ANKRD42: variants seen among roughly 807,000 people sequenced by gnomAD.
ANKRD42 encodes ankyrin repeat domain-containing protein 42.
ANKRD42 carries 43 observed loss-of-function variants against 51.5 expected under a neutral mutation model. The ratio of observed to expected loss-of-function variants is 0.83; its 90% CI spans 0.65 to 1.08. ANKRD42 has a LOEUF of 1.08. Ranked by LOEUF, ANKRD42 falls within the 50% of genes least tolerant of loss-of-function variation. ANKRD42 has a pLI of 0.00. For synonymous variants in ANKRD42, 203 were observed against 213.0 expected (o/e 0.95, Z 0.41); for missense variants, 608 against 629.3 (o/e 0.97, Z 0.36).
intron 2 of ANKRD42, among the ~76,000 whole-genome samples, chr11:83,204,834 A>G (rs1862008874): frequency 6.6e-6 from 1 of 152,208 alleles, no homozygotes. Context: ...AAGAAAAAAA[A>G]TTTTAATGGG....
chr11:83,221,942 C>G (rs968153253), intron 5 of ANKRD42, among the ~76,000 whole-genome samples: 1 of 152,184 alleles, frequency 6.6e-6, no homozygotes, highest in East Asian at 1.9e-4. Flanking sequence ...AGGGACAGGT[C>G]TTCTGCCAGG....
At chr11:83,236,184 T>C (rs1328836764) in intron 7 of ANKRD42, among the ~76,000 whole-genome samples, 2 of 152,236 alleles carry the variant, frequency 1.3e-5, no homozygotes, top group African/African-American at 2.4e-5. Flanking sequence ...TGTAAAATTA[T>C]CTGTGTGGGG....
At chr11:83,223,789 C>A (rs1438246150) in intron 5 of ANKRD42, among the ~76,000 whole-genome samples, 1 of 152,132 alleles carries the variant, frequency 6.6e-6, no homozygotes, top group Non-Finnish European at 1.5e-5. Flanking sequence ...TCTTGTTTCA[C>A]CTGAATTATA....
chr11:83,201,192 C>T (rs1590961392), intron 2 of ANKRD42, among the ~76,000 whole-genome samples: 3 of 152,042 alleles, frequency 2.0e-5, no homozygotes, highest in Non-Finnish European at 2.9e-5. Flanking sequence ...ATGTTCCCCT[C>T]GCTGTGTCCA....
At chr11:83,213,281 A>G in intron 5 of ANKRD42, 3 of 1,595,040 alleles carry the variant, frequency 1.9e-6, no homozygotes, top group Non-Finnish European at 2.6e-6. Context: ...GATGTGCAAC[A>G]GATCTTACTG....
intron 4 of ANKRD42, 26 bp from the exon 5 acceptor site, chr11:83,211,269 T>A: frequency 6.2e-7 from 1 of 1,613,712 alleles, no homozygotes; most frequent in Non-Finnish European, 8.5e-7. Context: ...GGGGAGAAAC[T>A]AAGTCCTTGT....
chr11:83,261,904 A>G (rs766080249), downstream of ANKRD42: 1 of 1,599,424 alleles, frequency 6.3e-7, no homozygotes. Flanking sequence ...CAGGATGAGC[A>G]TTAATACTAC....
chr11:83,227,477 GTGATA>G (rs201338672), intron 6 of ANKRD42, among the ~76,000 whole-genome samples: 1 of 118,912 alleles, frequency 8.4e-6, no homozygotes, highest in East Asian at 2.2e-4. Flanking sequence ...GTGTTTTGTG[GTGATA>G]TGAGAGAGAA....
downstream of ANKRD42, among the ~76,000 whole-genome samples, chr11:83,263,285 C>T (rs1032219519): frequency 2.0e-5 from 3 of 152,158 alleles, no homozygotes; most frequent in Admixed American, 6.5e-5. Context: ...GAAGTATACT[C>T]TACTTCAGTA....
chr11:83,245,570 G>T lies in ANKRD42; in HGVS notation c.1268G>T (p.Gly423Val). 6.5e-7 allele frequency: 1 copy of T among 1,536,674 alleles called. No homozygotes were observed. The highest frequency in any genetic ancestry group is 2.4e-5 in the East Asian group (1 of 40,914). The change falls in exon 10 of 11, where the codon GGA becomes GTA. Residue 423 changes from glycine to valine, a missense_variant. Transcript: ENST00000533342. Reference protein sequence around the residue: ...EIAESNYKHLGGITEEDLKQK... With the variant: ...EIAESNYKHLVGITEEDLKQK... Reference sequence around the variant, plus strand: ...GCCGAGAGCAACTATAAACACTTGGGAGGCATAACAGAAGAAGATTTAAAG... The same window carrying T: ...GCCGAGAGCAACTATAAACACTTGGTAGGCATAACAGAAGAAGATTTAAAG...
At chr11:83,244,810 G>GTACTTTAAAATCA in intron 9 of ANKRD42, among the ~76,000 whole-genome samples, 1 of 152,252 alleles carries the variant, frequency 6.6e-6, no homozygotes, top group Middle Eastern at 3.4e-3. Flanking sequence ...TTTGTGGCTG[G>GTACTTTAAAATCA]TACTTTAAAA....
At chr11:83,237,370 G>A (rs1863254144) in intron 8 of ANKRD42, among the ~76,000 whole-genome samples, 2 of 143,410 alleles carry the variant, frequency 1.4e-5, no homozygotes, top group African/African-American at 2.6e-5. Context: ...TTTAGATAGA[G>A]GTGAAAGAAA....
chr11:83,259,369 TA>T (rs1169251836), downstream of ANKRD42: 1 of 152,200 alleles, frequency 6.6e-6, no homozygotes, highest in Non-Finnish European at 1.5e-5. Context: ...ATATAGGATC[TA>T]AAAGTAATGG....
intron 1 of ANKRD42, among the ~76,000 whole-genome samples, chr11:83,197,898 C>A (rs576654771): frequency 6.6e-6 from 1 of 152,174 alleles, no homozygotes; most frequent in East Asian, 1.9e-4. Flanking sequence ...ACTAGGGAGG[C>A]CTTTGTTATG....
intron 7 of ANKRD42, among the ~76,000 whole-genome samples, chr11:83,234,133 CCTT>C (rs1466124590): frequency 6.6e-6 from 1 of 152,110 alleles, no homozygotes; most frequent in Non-Finnish European, 1.5e-5. Context: ...TTTTCAACTT[CCTT>C]CTTAATTTTT....
At chr11:83,203,998 A>G (rs1246622035) in intron 2 of ANKRD42, among the ~76,000 whole-genome samples, 3 of 152,026 alleles carry the variant, frequency 2.0e-5, no homozygotes, top group Admixed American at 1.3e-4. Flanking sequence ...GCTGGAGTAC[A>G]GTGGCATGAT....
At chr11:83,201,623 T>C (rs966339002) in intron 2 of ANKRD42, among the ~76,000 whole-genome samples, 1 of 152,202 alleles carries the variant, frequency 6.6e-6, no homozygotes, top group African/African-American at 2.4e-5. Context: ...CCACCAACAG[T>C]GTAAAAGAGT....
chr11:83,248,600 T>C lies in ANKRD42; in HGVS notation c.*396T>C, dbSNP rs964142927. Reference sequence around the variant, plus strand: ...CATCAATCATCATGGATGAATTAATTCTGTTTGAGGCTTGTGTCACCTCAA... The same window carrying C: ...CATCAATCATCATGGATGAATTAATCCTGTTTGAGGCTTGTGTCACCTCAA... On this transcript the variant is annotated 3_prime_UTR_variant, in exon 11 of 11. Transcript: ENST00000533342. 5.1e-6 allele frequency: 5 copies of C among 987,318 alleles called. No homozygotes were observed. In the African/African-American group the frequency reaches 8.7e-5, roughly 17 times the overall value. The allele number at this position is 987,318 out of a possible 1,614,324, so 61.2% of individuals were successfully genotyped here.
At position 83,226,342 on chromosome 11, in the gene ANKRD42, A is replaced by G. The variant is rs191964694; in HGVS notation, c.787+1287A>G. 1.1e-4 allele frequency among the ~76,000 whole-genome samples: 16 copies of G among 152,358 alleles called. No individual in the cohort carries two copies. The East Asian group carries it at 3.1e-3, about 29-fold the overall frequency. Reference sequence around the variant, plus strand: ...TAACTACATAAACTGAGTCCTTACTAAAAATGCCAGACATGATAGTAAGCA... The same window carrying G: ...TAACTACATAAACTGAGTCCTTACTGAAAATGCCAGACATGATAGTAAGCA... On this transcript the variant is annotated intron_variant, in intron 6 of 10. Transcript: ENST00000533342.
Sources: gnomAD v4.1 joint callset for allele counts (sites outside exome capture counted in the v4.1 genomes callset) on GRCh38, gnomAD v4.1.1 for gene constraint, MANE v1.5 for transcripts, NCBI Gene and HGNC (gene_info 2026-07-23, HGNC 2026-07-21) for gene names.